MYO1B: variants seen among roughly 807,000 people sequenced by gnomAD.
MYO1B encodes unconventional myosin-Ib.
In MYO1B, 72 loss-of-function variants were observed where a neutral mutation model predicts 159.7. That is an observed-to-expected ratio of 0.45 (90% CI 0.37 to 0.55). The LOEUF is 0.55. Among genes scored for constraint, MYO1B ranks in the 20% least tolerant of loss-of-function variants. The pLI, the probability that MYO1B is intolerant of heterozygous loss-of-function variation, is 0.00. For synonymous variants in MYO1B, 468 were observed against 473.8 expected, an observed-to-expected ratio of 0.99 and a Z score of 0.16; for missense variants, 1,062 against 1,364.8, an observed-to-expected ratio of 0.78 and a Z score of 3.50.
chr2:191,421,405 G>T (rs181820004), intron 30 of MYO1B, among the ~76,000 whole-genome samples: 3 of 152,030 alleles, frequency 2.0e-5, no homozygotes, highest in African/African-American at 7.2e-5. Flanking sequence ...TATAGACATG[G>T]AAACAGTTAA....
Position 191,392,214 on chromosome 2 carries a change from A to C in MYO1B, c.2076+13A>C. 2 of 1,575,718 alleles carry C rather than the reference A, an allele frequency of 1.3e-6. No individual in the cohort carries two copies. The highest frequency in any genetic ancestry group is 1.1e-5 in the South Asian group (1 of 87,618). On this transcript the variant is annotated intron_variant, in intron 19 of 30. Transcript: ENST00000392318. ...AAACCCAAGAACAGTATGTAACGAA[A>C]ACCTTTACACTCTGAACTTAAGTTG...
intron 6 of MYO1B, among the ~76,000 whole-genome samples, chr2:191,347,022 A>G (rs114355417): frequency 0.027 from 4,142 of 152,268 alleles, 64 homozygotes; most frequent in Middle Eastern, 0.051. Context: ...TTTGAAATTG[A>G]TGTATACATT....
chr2:191,421,627 C>G (rs1697948725), intron 30 of MYO1B, among the ~76,000 whole-genome samples: 1 of 152,112 alleles, frequency 6.6e-6, no homozygotes, highest in South Asian at 2.1e-4. Flanking sequence ...AGGCATGCAC[C>G]ACCGTCCCTG....
In MYO1B at chr2:191,392,587, A is replaced by T. The variant is rs888925623; in HGVS notation, c.2076+386A>T. On this transcript the variant is annotated intron_variant, in intron 19 of 30. Coordinates refer to ENST00000392318, the MANE Select transcript of MYO1B (RefSeq NM_001130158.3). ...GGTACAGGAAAGCACTAAAATGAAA[A>T]TTTTTTTTAAGTTAAAAAAAATACT... 1.7e-4 allele frequency among the ~76,000 whole-genome samples: 26 copies of T among 152,212 alleles called. 1 individual carries two copies. The highest frequency in any genetic ancestry group is 4.2e-4 in the South Asian group (2 of 4,808).
In MYO1B at chr2:191,409,010, T is replaced by G. The variant is rs201136724; in HGVS notation, c.2632-34T>G. The stretch of plus-strand genomic sequence containing the variant: ...AAACAGTGTCTTTTGTGGTATATTT[T>G]CCTCATGTAGTATTTTCTGTCAACC... On this transcript the variant is annotated intron_variant, in intron 25 of 30. Coordinates refer to ENST00000392318, the MANE Select transcript of MYO1B (RefSeq NM_001130158.3). 3.3e-4 allele frequency: 530 copies of G among 1,582,426 alleles called. 3 individuals carry two copies. The highest frequency in any genetic ancestry group is 2.0e-4 in the Middle Eastern group (1 of 4,980).
intron 2 of MYO1B, among the ~76,000 whole-genome samples, chr2:191,290,950 G>T (rs1256252211): frequency 1.3e-5 from 2 of 152,188 alleles, no homozygotes; most frequent in African/African-American, 2.4e-5. Flanking sequence ...GAGTCTGGAA[G>T]GGAAGGGCTA....
At chr2:191,351,244 T>G (rs1692905950) in intron 7 of MYO1B, among the ~76,000 whole-genome samples, 1 of 152,058 alleles carries the variant, frequency 6.6e-6, no homozygotes, top group Admixed American at 6.5e-5. Flanking sequence ...CATTTATTTT[T>G]CTTATAACAG....
At chr2:191,302,619 A>G (rs1020459601) in intron 3 of MYO1B, among the ~76,000 whole-genome samples, 6 of 152,198 alleles carry the variant, frequency 3.9e-5, no homozygotes, top group African/African-American at 1.4e-4. Context: ...AGAAGAGTGT[A>G]TTGTGGTACC....
At chr2:191,250,181 C>A (rs531545461) in intron 1 of MYO1B, among the ~76,000 whole-genome samples, 1 of 152,306 alleles carries the variant, frequency 6.6e-6, no homozygotes, top group African/African-American at 2.4e-5. Flanking sequence ...GCTATGACAG[C>A]TGTAGTGACC....
chr2:191,397,467 T>A lies in MYO1B; in HGVS notation c.2295+970T>A, dbSNP rs548223889. Among the ~76,000 whole-genome samples the A allele has an allele frequency of 1.7e-4, 26 of 152,198 alleles. No homozygotes were observed. The South Asian group carries it at 5.2e-3, about 30-fold the overall frequency. ...GCACCGCCCTTAATCCATTTAACCC[T>A]GAGTGGACACAGCACACGTTTCAGA... On this transcript the variant is annotated intron_variant, in intron 21 of 30. Coordinates refer to ENST00000392318, the MANE Select transcript of MYO1B (RefSeq NM_001130158.3).
intron 30 of MYO1B, among the ~76,000 whole-genome samples, chr2:191,418,891 A>G (rs1227027700): frequency 6.6e-6 from 1 of 152,224 alleles, no homozygotes; most frequent in African/African-American, 2.4e-5. Context: ...TAAGCTGTTC[A>G]ATGTGTAACT....
intron 14 of MYO1B, 147 bp from the exon 15 acceptor site, chr2:191,383,133 C>T: frequency 4.2e-6 from 2 of 474,090 alleles, no homozygotes; most frequent in South Asian, 2.6e-5. Context: ...TTGGGAACTG[C>T]CTGTGACATT....
At chr2:191,295,679 G>C (rs1386468908) in intron 2 of MYO1B, among the ~76,000 whole-genome samples, 2 of 152,140 alleles carry the variant, frequency 1.3e-5, no homozygotes, top group Admixed American at 1.3e-4. Context: ...GGGTAGGGAA[G>C]AGGGGAACAC....
chr2:191,399,292 AGGGAGAGGGAG>A (rs1696451460), intron 21 of MYO1B, among the ~76,000 whole-genome samples: 5 of 144,156 alleles, frequency 3.5e-5, no homozygotes, highest in Non-Finnish European at 6.3e-5. Flanking sequence ...GGAGAGGGAG[AGGGAGAGGGAG>A]AGGGAGAGGG....
intron 2 of MYO1B, among the ~76,000 whole-genome samples, chr2:191,279,667 A>G (rs1185042938): frequency 1.3e-5 from 2 of 152,192 alleles, no homozygotes; most frequent in African/African-American, 4.8e-5. Flanking sequence ...AAAGTTGTCT[A>G]GCTTGATGCC....
intron 2 of MYO1B, among the ~76,000 whole-genome samples, chr2:191,281,843 A>T (rs1688080929): frequency 6.6e-6 from 1 of 152,168 alleles, no homozygotes; most frequent in African/African-American, 2.4e-5. Flanking sequence ...AAGATTGGGG[A>T]TCATCTAGAT....
At chr2:191,265,827 T>C (rs762755334) in intron 1 of MYO1B, among the ~76,000 whole-genome samples, 2 of 152,232 alleles carry the variant, frequency 1.3e-5, no homozygotes, top group African/African-American at 4.8e-5. Flanking sequence ...CAGGAATTTG[T>C]AGCCTTTTTT....
chr2:191,400,222 A>T (rs191544890), intron 21 of MYO1B, among the ~76,000 whole-genome samples, 160 bp from the exon 22 acceptor site: 4 of 152,046 alleles, frequency 2.6e-5, no homozygotes, highest in African/African-American at 9.7e-5. Context: ...CCACCTTCTC[A>T]TAGTCAGTTT....
intron 4 of MYO1B, among the ~76,000 whole-genome samples, chr2:191,336,028 G>A (rs1691808282): frequency 6.6e-6 from 1 of 152,094 alleles, no homozygotes; most frequent in Non-Finnish European, 1.5e-5. Context: ...GAATACAGAT[G>A]GTTTGTGGAG....
Sources: gnomAD v4.1 joint callset for allele counts (sites outside exome capture counted in the v4.1 genomes callset) on GRCh38, gnomAD v4.1.1 for gene constraint, MANE v1.5 for transcripts, NCBI Gene and HGNC (gene_info 2026-07-23, HGNC 2026-07-21) for gene names.